The following HVCN1 variants were observed in gnomAD, a reference collection of about 807,000 sequenced individuals.
HVCN1 encodes hydrogen voltage gated channel 1.
Under a neutral mutation model 29.2 loss-of-function variants are expected in HVCN1, and 14 were observed. The observed-to-expected ratio is 0.48, with a 90% CI of 0.32 to 0.75. The LOEUF is 0.75. Among genes scored for constraint, HVCN1 ranks in the 30% least tolerant of loss-of-function variants. The probability of loss-of-function intolerance (pLI) is 0.04; values close to 1 mark genes in which losing one functional copy is unlikely to be tolerated. For synonymous variants in HVCN1, 131 were observed against 133.2 expected (o/e 0.98, Z 0.11); for missense variants, 263 against 341.8 (o/e 0.77, Z 1.82).
chr12:110,678,439 C>CTTTTT lies in HVCN1; in HGVS notation c.21+4781_21+4785dup, dbSNP rs538999674. ...TCTTATTTTCCATTTCATTCTATTT[C>CTTTTT]TTTTTTTTTTTTTTTTTTTTTTTTT... On this transcript the variant is annotated intron_variant, in intron 3 of 7. Coordinates refer to ENST00000242607, the MANE Select transcript of HVCN1 (RefSeq NM_032369.4). Among the ~76,000 whole-genome samples the CTTTTT allele has an allele frequency of 4.1e-3, 270 of 65,844 alleles. 1 individual carries two copies. The highest frequency in any genetic ancestry group is 5.7e-3 in the Non-Finnish European group (196 of 34,498). The allele number at this position is 65,844 out of a possible 152,430, so 43.2% of individuals were successfully genotyped here.
intron 4 of HVCN1, among the ~76,000 whole-genome samples, chr12:110,656,932 G>A (rs2068009532): frequency 6.6e-6 from 1 of 152,170 alleles, no homozygotes; most frequent in Non-Finnish European, 1.5e-5. Flanking sequence ...GGATCTGAGA[G>A]CTCATGTGAG....
chr12:110,698,230 C>T (rs1265925100), intron 2 of HVCN1, among the ~76,000 whole-genome samples: 3 of 152,164 alleles, frequency 2.0e-5, no homozygotes, highest in Admixed American at 6.5e-5. Flanking sequence ...GAACTCCTAG[C>T]TTCAAGCGAT....
At chr12:110,691,275 G>A (rs1433193181), upstream of HVCN1, among the ~76,000 whole-genome samples, 1 of 149,976 alleles carries the variant, frequency 6.7e-6, no homozygotes, top group Non-Finnish European at 1.5e-5. Context: ...GTGTTAACCA[G>A]GATGGTCTCG....
At chr12:110,694,153 C>T (rs144180839), upstream of HVCN1, among the ~76,000 whole-genome samples, 1 of 152,324 alleles carries the variant, frequency 6.6e-6, no homozygotes, top group Non-Finnish European at 1.5e-5. This position sits in a 1 kb window ranked among gnomAD's most constrained non-coding sequence, Gnocchi z 4.6. Context: ...GCCTTGACCA[C>T]CTGGACTCAA....
upstream of HVCN1, among the ~76,000 whole-genome samples, chr12:110,690,934 T>A (rs1270583733): frequency 5.9e-5 from 9 of 151,478 alleles, no homozygotes; most frequent in Non-Finnish European, 7.4e-5. Flanking sequence ...TTTGTTTTTT[T>A]AGTAGAGACA....
intron 5 of HVCN1, among the ~76,000 whole-genome samples, chr12:110,654,544 T>C (rs2067925369): frequency 6.7e-6 from 1 of 149,866 alleles, no homozygotes; most frequent in African/African-American, 2.5e-5. Flanking sequence ...AGTGGCGCTA[T>C]CTCGGCTCAC....
At position 110,704,271 on chromosome 12, in the gene HVCN1, C is replaced by T. The variant is rs560909515; in HGVS notation, c.-229+604G>A. On this transcript the variant is annotated intron_variant, in intron 1 of 4. Coordinates refer to the HVCN1 transcript ENST00000546713. ...CTTAAGAAGAAGGTAGCAATATGTA[C>T]ACATAATACAGAATAATCCCCAAGA... 1.4e-4 allele frequency among the ~76,000 whole-genome samples: 22 copies of T among 152,216 alleles called. No homozygotes were observed. The Middle Eastern group carries it at 0.02, about 141-fold the overall frequency.
intron 6 of HVCN1, among the ~76,000 whole-genome samples, 192 bp from the exon 7 acceptor site, chr12:110,650,472 A>C (rs527491277): frequency 2.0e-5 from 3 of 152,262 alleles, no homozygotes; most frequent in Admixed American, 2.0e-4. Flanking sequence ...GTTACACAGT[A>C]TCTCTCTTTA....
At chr12:110,683,310 A>G in intron 2 of HVCN1, 46 bp from the exon 3 acceptor site, 1 of 1,572,152 alleles carries the variant, frequency 6.4e-7, no homozygotes. Context: ...TCTTGCTGCC[A>G]TCTGCCTTGG....
intron 3 of HVCN1, among the ~76,000 whole-genome samples, chr12:110,671,717 G>A (rs1470896926): frequency 6.6e-6 from 1 of 152,166 alleles, no homozygotes; most frequent in African/African-American, 2.4e-5. Flanking sequence ...CTTCTTCAGG[G>A]CCCAAAACCA....
rs560978381 is a variant in HVCN1, at chr12:110,648,810, G to A, written c.*600C>T. On this transcript the variant is annotated 3_prime_UTR_variant, in exon 8 of 8. Transcript: ENST00000242607. The stretch of plus-strand genomic sequence containing the variant: ...GAAAAGAGAGAGTTTATTTTATACA[G>A]TAGTTGTTTTATTTTATACAGTAGT... The A allele has an allele frequency of 9.2e-6, 3 of 327,388 alleles. No individual in the cohort carries two copies. The highest frequency in any genetic ancestry group is 4.5e-5 in the African/African-American group (2 of 44,394). The allele number at this position is 327,388 out of a possible 1,614,324, so 20.3% of individuals were successfully genotyped here.
chr12:110,691,131 C>T (rs1407948839), upstream of HVCN1, among the ~76,000 whole-genome samples: 8 of 151,206 alleles, frequency 5.3e-5, no homozygotes, highest in African/African-American at 1.9e-4. Flanking sequence ...GGCGCGACCT[C>T]GGCTCACTGC....
intron 2 of HVCN1, among the ~76,000 whole-genome samples, chr12:110,699,509 G>T (rs1287202269): frequency 6.6e-6 from 1 of 152,080 alleles, no homozygotes. Flanking sequence ...AGCCTGAACT[G>T]GTTTTGTTGT....
intron 2 of HVCN1, among the ~76,000 whole-genome samples, chr12:110,687,266 C>CA (rs1491280564): frequency 4.8e-4 from 72 of 150,450 alleles, no homozygotes; most frequent in Non-Finnish European, 9.4e-4. Flanking sequence ...CACCCCCCCC[C>CA]CCCAGCTAAG....
intron 3 of HVCN1, among the ~76,000 whole-genome samples, chr12:110,673,656 A>G (rs1422951796): frequency 6.6e-6 from 1 of 152,224 alleles, no homozygotes. Flanking sequence ...CAGCTGCTCC[A>G]GCTGTGGCTG....
intron 3 of HVCN1, among the ~76,000 whole-genome samples, chr12:110,668,379 C>T (rs2136337890): frequency 6.6e-6 from 1 of 152,258 alleles, no homozygotes; most frequent in African/African-American, 2.4e-5. Context: ...GTGGTGGGCA[C>T]TTGTAATCCC....
Position 110,661,410 on chromosome 12 carries a change from C to A in HVCN1, c.60G>T (p.Arg20Ser), listed in dbSNP as rs1463300804. ...TRRAKVAPAE[R>S]MSKFLRHFTV... ...TGAAGTGCCTTAAGAACTTGCTCAT[C>A]CTCTCAGCGGGAGCCACCTTGGCCC... Residue 20 changes from arginine (R) to serine (S), a missense_variant, in exon 4 of 8, where the codon AGG becomes AGT. Around this residue, in one of 3 missense-constraint regions of HVCN1, gnomAD observed 157 missense variants for 181.3 expected, o/e 0.87. Coordinates refer to ENST00000242607, the MANE Select transcript of HVCN1 (RefSeq NM_032369.4). This position sits in a 1 kb window ranked among gnomAD's most constrained non-coding sequence, Gnocchi z 6.2. 2 of 1,614,220 alleles carry A rather than the reference C, an allele frequency of 1.2e-6. No individual in the cohort carries two copies. Among genetic ancestry groups the A allele is most frequent in the Admixed American group, 3.3e-5 (2 of 60,026 alleles).
At chr12:110,668,510 CAAAACAA>C (rs895589427) in intron 3 of HVCN1, among the ~76,000 whole-genome samples, 1 of 151,966 alleles carries the variant, frequency 6.6e-6, no homozygotes, top group Non-Finnish European at 1.5e-5. Flanking sequence ...CTCAAGAAAA[CAAAACAA>C]AAAACCCCAA....
At chr12:110,688,102 A>C (rs1460738851) in intron 2 of HVCN1, 1 of 152,462 alleles carries the variant, frequency 6.6e-6, no homozygotes, top group Admixed American at 6.6e-5. Context: ...GAGGGGCAGG[A>C]CGGAGGGTGG....
Sources: allele counts gnomAD v4.1 joint callset (sites outside exome capture counted in the v4.1 genomes callset), GRCh38; gene constraint gnomAD v4.1.1; regional missense constraint gnomAD v4.1.1; non-coding constraint Gnocchi (gnomAD v3.1); transcripts MANE v1.5; gene names NCBI Gene and HGNC (gene_info 2026-07-23, HGNC 2026-07-21).